Variants in CA12 observed in about 807,000 individuals in gnomAD.
The protein encoded by CA12 is carbonic anhydrase 12, also known as carbonate dehydratase XII.
In CA12, 36 loss-of-function variants were observed where a neutral mutation model predicts 46.8. The observed-to-expected ratio is 0.77, with a 90% CI of 0.59 to 1.02. CA12 has a LOEUF of 1.02. Among genes scored for constraint, CA12 ranks in the 50% least tolerant of loss-of-function variants. The probability of loss-of-function intolerance (pLI) is 0.00; values close to 1 mark genes in which losing one functional copy is unlikely to be tolerated. For synonymous variants in CA12, 202 were observed against 187.0 expected (o/e 1.08, Z -0.65); for missense variants, 436 against 451.4 (o/e 0.97, Z 0.31).
intron 1 of CA12, among the ~76,000 whole-genome samples, chr15:63,377,247 C>T (rs1328471645): frequency 1.3e-5 from 2 of 152,118 alleles, no homozygotes; most frequent in Non-Finnish European, 2.9e-5. Flanking sequence ...GGGGACTGTG[C>T]AACTCCTAAA....
At chr15:63,351,804 C>A (rs1157124793) in intron 2 of CA12, among the ~76,000 whole-genome samples, 2 of 152,186 alleles carry the variant, frequency 1.3e-5, no homozygotes, top group African/African-American at 4.8e-5. Context: ...GTTAGCCTGC[C>A]TCACCTGTGA....
At chr15:63,365,047 A>C (rs1453138589) in intron 2 of CA12, among the ~76,000 whole-genome samples, 3 of 152,196 alleles carry the variant, frequency 2.0e-5, no homozygotes, top group Non-Finnish European at 2.9e-5. Flanking sequence ...TCCTAGACTC[A>C]AGTGATCCTC....
At chr15:63,358,158 A>G (rs913885523) in intron 2 of CA12, among the ~76,000 whole-genome samples, 2 of 152,240 alleles carry the variant, frequency 1.3e-5, no homozygotes, top group African/African-American at 4.8e-5. Context: ...TAAAATAGTT[A>G]TTGACCGAAA....
chr15:63,351,526 A>G (rs2039231710), intron 2 of CA12, among the ~76,000 whole-genome samples: 1 of 152,144 alleles, frequency 6.6e-6, no homozygotes, highest in South Asian at 2.1e-4. Flanking sequence ...AAAGTCTTCA[A>G]AGGCCCCCAC....
In CA12 at chr15:63,372,648, C is replaced by G. The variant is rs766416317; in HGVS notation, c.106+3010G>C. ...AGTGCGGCCCTTATTGCTTGGAAGC[C>G]GTTTCCCTCCAGCACTTATGCTGGG... On this transcript the variant is annotated intron_variant, in intron 2 of 10. Transcript: ENST00000178638. This position sits in a 1 kb window ranked among gnomAD's most constrained non-coding sequence, Gnocchi z 4.5. 6.6e-6 allele frequency among the ~76,000 whole-genome samples: 1 copy of G among 152,152 alleles called. No individual in the cohort carries two copies. The highest frequency in any genetic ancestry group is 2.4e-5 in the African/African-American group (1 of 41,438).
rs2039543671 is a variant in CA12 at position 63,374,268 on chromosome 15, G to A, written c.106+1390C>T. On this transcript the variant is annotated intron_variant, in intron 2 of 10. Coordinates refer to ENST00000178638, the MANE Select transcript of CA12 (RefSeq NM_001218.5). The surrounding 1 kb of genome is among the most constrained non-coding windows in gnomAD (Gnocchi z 4.4). ...CTCGAACACCACCTTGCTCTTTCTT[G>A]CTTCTGCTCAACATCACCTTAGCCA... is the stretch of plus-strand genomic sequence containing the variant. Among the ~76,000 whole-genome samples the A allele has an allele frequency of 6.6e-6, 1 of 151,910 alleles. No individual in the cohort carries two copies. The highest frequency in any genetic ancestry group is 2.1e-4 in the South Asian group (1 of 4,806).
intron 2 of CA12, among the ~76,000 whole-genome samples, chr15:63,359,286 T>A (rs572388487): frequency 2.0e-5 from 3 of 151,862 alleles, no homozygotes; most frequent in Admixed American, 6.6e-5. Flanking sequence ...CACCATCTTT[T>A]CCTCCCCCTT....
rs986211829 is a variant in CA12, at chr15:63,373,225, C to A, written c.106+2433G>T. Among the ~76,000 whole-genome samples the A allele has an allele frequency of 6.6e-6, 1 of 152,016 alleles. No homozygotes were observed. The highest frequency in any genetic ancestry group is 1.5e-5 in the Non-Finnish European group (1 of 68,006). On this transcript the variant is annotated intron_variant, in intron 2 of 10. Transcript: ENST00000178638. The surrounding 1 kb of genome is among the most constrained non-coding windows in gnomAD (Gnocchi z 4.9). ...AATAAAAATACAGAAATTAGCCGGG[C>A]GTGATGGCACACCCCTGTAATCCCA...
rs2039530662 is a variant in CA12 at position 63,373,363 on chromosome 15, A to G, written c.106+2295T>C. 6.6e-6 allele frequency among the ~76,000 whole-genome samples: 1 copy of G among 151,784 alleles called. No individual in the cohort carries two copies. The highest frequency in any genetic ancestry group is 1.5e-5 in the Non-Finnish European group (1 of 67,922). On this transcript the variant is annotated intron_variant, in intron 2 of 10. Transcript: ENST00000178638. The surrounding 1 kb of genome is among the most constrained non-coding windows in gnomAD (Gnocchi z 4.9). ...CTGGGTGAGAATGAGACTCCAAAAA[A>G]AAAAAAAAAATTTGTCCTCCCACAC...
chr15:63,346,022 G>A (rs1298221120), intron 3 of CA12, among the ~76,000 whole-genome samples: 2 of 152,298 alleles, frequency 1.3e-5, no homozygotes, highest in South Asian at 2.1e-4. Context: ...ACTTCACTCT[G>A]TATGCCAGAC....
chr15:63,372,061 C>G lies in CA12; in HGVS notation c.106+3597G>C, dbSNP rs1263076704. The stretch of plus-strand genomic sequence containing the variant: ...TGACTGCAGCACCCACACCAAGGAC[C>G]TGAACGTGCCCACAACCCTTCCTGC... On this transcript the variant is annotated intron_variant, in intron 2 of 10. Transcript: ENST00000178638. The surrounding 1 kb of genome is among the most constrained non-coding windows in gnomAD (Gnocchi z 4.5). Among the ~76,000 whole-genome samples the G allele has an allele frequency of 6.6e-6, 1 of 152,170 alleles. No homozygotes were observed. The highest frequency in any genetic ancestry group is 1.5e-5 in the Non-Finnish European group (1 of 68,032).
chr15:63,377,856 C>T (rs1469798744), intron 1 of CA12, among the ~76,000 whole-genome samples: 5 of 152,206 alleles, frequency 3.3e-5, no homozygotes, highest in African/African-American at 7.2e-5. Context: ...CTCTTTCTTA[C>T]ACTCATAGCC....
chr15:63,375,825 T>C lies in CA12; in HGVS notation c.86-147A>G, dbSNP rs74666794. 1.9e-5 allele frequency: 12 copies of C among 643,648 alleles called. 1 individual carries two copies. The highest frequency in any genetic ancestry group is 1.3e-4 in the South Asian group (7 of 55,484). 39.9% of individuals were successfully genotyped at this position (643,648 alleles called of 1,614,324 possible). ...TTTTTCTTTTTCTTTTTTTTTTTTT[T>C]CAAGGTGGAGTATTGCTCTTGTTGC... On this transcript the variant is annotated intron_variant, in intron 1 of 10. Coordinates refer to ENST00000178638, the MANE Select transcript of CA12 (RefSeq NM_001218.5).
chr15:63,357,295 C>T (rs9989288), intron 2 of CA12, among the ~76,000 whole-genome samples: 59,699 of 152,126 alleles, frequency 0.39, 14,931 homozygotes, highest in Non-Finnish European at 0.56. Flanking sequence ...CAGTACTTCA[C>T]GGACGGAGCC....
rs536650091 is a variant in CA12, at chr15:63,344,005, G to T, written c.429+1472C>A. On this transcript the variant is annotated intron_variant, in intron 4 of 10. Coordinates refer to ENST00000178638, the MANE Select transcript of CA12 (RefSeq NM_001218.5). ...TAAAACAGTTCTGTTGAATTTCACC[G>T]TGACAATGTAAATGGATAACTTATC... Among the ~76,000 whole-genome samples, 12 of 152,286 alleles carry T rather than the reference G, an allele frequency of 7.9e-5. 3 individuals are homozygous for T. The highest frequency in any genetic ancestry group is 2.9e-4 in the African/African-American group (12 of 41,574).
Position 63,367,131 on chromosome 15 carries a change from G to T in CA12, c.106+8527C>A, listed in dbSNP as rs144122266. 6.0e-4 allele frequency among the ~76,000 whole-genome samples: 92 copies of T among 152,276 alleles called. 1 individual carries two copies. In the East Asian group the frequency reaches 0.012, roughly 19 times the overall value. ...AGATAGGGTTTCACCATGTTGGCCA[G>T]GCTGGTCTCAAACTCCTGACCTCAA... On this transcript the variant is annotated intron_variant, in intron 2 of 10. Transcript: ENST00000178638.
At chr15:63,358,830 T>C (rs1428367642) in intron 2 of CA12, among the ~76,000 whole-genome samples, 5 of 152,120 alleles carry the variant, frequency 3.3e-5, no homozygotes, top group Non-Finnish European at 7.3e-5. Context: ...TACTTCCCAT[T>C]CAGACCTCCC....
rs972466568 is a variant in CA12 at position 63,323,782 on chromosome 15, T to C, written c.*2503A>G. 1 of 152,456 alleles carries C rather than the reference T, an allele frequency of 6.6e-6. No individual in the cohort carries two copies. The highest frequency in any genetic ancestry group is 2.4e-5 in the African/African-American group (1 of 41,452). The allele number at this position is 152,456 out of a possible 1,614,324, so 9.4% of individuals were successfully genotyped here. On this transcript the variant is annotated 3_prime_UTR_variant, in exon 11 of 11. Coordinates refer to ENST00000178638, the MANE Select transcript of CA12 (RefSeq NM_001218.5). The surrounding 1 kb of genome is among the most constrained non-coding windows in gnomAD (Gnocchi z 5.1). The stretch of plus-strand genomic sequence containing the variant: ...TGATTAATAGAGTCAATGCAGCACA[T>C]GCTAGAAACAGATACAGAGTTTTTT...
chr15:63,343,331 G>A (rs1485473356), intron 4 of CA12, among the ~76,000 whole-genome samples: 1 of 146,434 alleles, frequency 6.8e-6, no homozygotes, highest in Non-Finnish European at 1.5e-5. Flanking sequence ...GCCCAGGCTG[G>A]AGTGCAATGG....
Sources: allele counts gnomAD v4.1 joint callset (sites outside exome capture counted in the v4.1 genomes callset), GRCh38; gene constraint gnomAD v4.1.1; non-coding constraint Gnocchi (gnomAD v3.1); transcripts MANE v1.5; gene names NCBI Gene and HGNC (gene_info 2026-07-23, HGNC 2026-07-21).